PRKCB: variants seen among roughly 807,000 people sequenced by gnomAD.
PRKCB encodes protein kinase C beta type.
PRKCB carries 13 observed loss-of-function variants against 81.5 expected under a neutral mutation model. That is an observed-to-expected ratio of 0.16 (90% confidence interval 0.10 to 0.25). The LOEUF is 0.25. Among genes scored for constraint, PRKCB ranks in the 10% least tolerant of loss-of-function variants. PRKCB has a pLI of 1.00. For missense variants in PRKCB, 509 were observed against 875.7 expected, an observed-to-expected ratio of 0.58 and a Z score of 5.29; for synonymous variants, 335 against 321.4, an observed-to-expected ratio of 1.04 and a Z score of -0.45.
chr16:23,853,342 C>G (rs994099755), intron 2 of PRKCB, among the ~76,000 whole-genome samples: 12 of 152,132 alleles, frequency 7.9e-5, no homozygotes, highest in African/African-American at 2.9e-4. Flanking sequence ...ACCCCAGGGT[C>G]CTCCCCATTG....
intron 2 of PRKCB, among the ~76,000 whole-genome samples, chr16:23,957,880 T>G (rs1013198029): frequency 1.3e-4 from 20 of 152,136 alleles, no homozygotes; most frequent in African/African-American, 4.8e-4. Flanking sequence ...CTCAATAACC[T>G]CACACAGCTC....
intron 2 of PRKCB, among the ~76,000 whole-genome samples, chr16:23,934,352 AG>A (rs1964029005): frequency 6.8e-6 from 1 of 146,044 alleles, no homozygotes; most frequent in Non-Finnish European, 1.5e-5. Flanking sequence ...TAAAAGCTCT[AG>A]TTTTCCCTTA....
chr16:24,029,360 G>C (rs1192030747), intron 3 of PRKCB, among the ~76,000 whole-genome samples: 1 of 152,146 alleles, frequency 6.6e-6, no homozygotes, highest in Non-Finnish European at 1.5e-5. Context: ...TCATGATAGC[G>C]AGTGAGTTCT....
chr16:23,895,117 G>T (rs955947357), intron 2 of PRKCB, among the ~76,000 whole-genome samples: 7 of 152,018 alleles, frequency 4.6e-5, no homozygotes, highest in African/African-American at 1.7e-4. Flanking sequence ...ATCATTTTTG[G>T]TATACTTTCA....
chr16:24,155,500 A>G (rs899279475), intron 10 of PRKCB, among the ~76,000 whole-genome samples: 2 of 152,222 alleles, frequency 1.3e-5, no homozygotes, highest in African/African-American at 2.4e-5. Flanking sequence ...CTTGGTTTCC[A>G]TACCCAGGGA....
intron 5 of PRKCB, among the ~76,000 whole-genome samples, chr16:24,060,040 TAGAA>T (rs888986342): frequency 6.6e-6 from 1 of 152,158 alleles, no homozygotes; most frequent in African/African-American, 2.4e-5. Context: ...GAAGGCGTCT[TAGAA>T]GGAAGTTATT....
chr16:24,114,329 C>G (rs1360066230), intron 8 of PRKCB, among the ~76,000 whole-genome samples: 1 of 150,898 alleles, frequency 6.6e-6, no homozygotes, highest in Non-Finnish European at 1.5e-5. Context: ...GTCAACTAGG[C>G]TTGCTGATGG....
At chr16:23,897,977 C>T (rs1963406533) in intron 2 of PRKCB, among the ~76,000 whole-genome samples, 1 of 152,002 alleles carries the variant, frequency 6.6e-6, no homozygotes, top group Non-Finnish European at 1.5e-5. Context: ...CGGCTCACTG[C>T]AACCTCCGCC....
At chr16:23,947,042 G>T (rs1263690959) in intron 2 of PRKCB, among the ~76,000 whole-genome samples, 1 of 152,140 alleles carries the variant, frequency 6.6e-6, no homozygotes. Flanking sequence ...TTTTAGTAGA[G>T]ACGGGGTTTT....
chr16:24,180,092 C>A (rs1041496093), intron 12 of PRKCB, among the ~76,000 whole-genome samples: 1 of 152,104 alleles, frequency 6.6e-6, no homozygotes, highest in African/African-American at 2.4e-5. Context: ...CTACAGGCGC[C>A]CACGACCACG....
intron 2 of PRKCB, among the ~76,000 whole-genome samples, chr16:23,875,678 C>A (rs1962997659): frequency 1.4e-5 from 1 of 73,728 alleles, no homozygotes; most frequent in African/African-American, 4.9e-5. Flanking sequence ...GTATGTATAT[C>A]ACACACATAT....
intron 2 of PRKCB, among the ~76,000 whole-genome samples, chr16:23,937,252 C>T (rs1032936357): frequency 3.3e-5 from 5 of 152,142 alleles, no homozygotes; most frequent in South Asian, 2.1e-4. Flanking sequence ...GCTTCCCAAG[C>T]GATGCTTCTG....
chr16:24,114,512 A>G (rs971139571), intron 8 of PRKCB, among the ~76,000 whole-genome samples: 2 of 151,994 alleles, frequency 1.3e-5, no homozygotes, highest in Non-Finnish European at 2.9e-5. Context: ...CTCTGCTCCT[A>G]CCTGAAATAA....
At chr16:24,129,520 C>CATCTATCTATCTATCT (rs138115366) in intron 9 of PRKCB, among the ~76,000 whole-genome samples, 168 of 151,300 alleles carry the variant, frequency 1.1e-3, no homozygotes, top group African/African-American at 3.3e-3. Flanking sequence ...CATGCACGTG[C>CATCTATCTATCTATCT]ATCTATCTAT....
At chr16:23,836,601 A>G (rs1403115812) in intron 1 of PRKCB, among the ~76,000 whole-genome samples, 3 of 150,260 alleles carry the variant, frequency 2.0e-5, no homozygotes, top group African/African-American at 7.4e-5. Flanking sequence ...GCGCCTCTAG[A>G]GCGCCCAGGG....
chr16:24,122,510 T>C (rs961711572), intron 8 of PRKCB, among the ~76,000 whole-genome samples: 1 of 139,624 alleles, frequency 7.2e-6, no homozygotes, highest in Non-Finnish European at 1.5e-5. Context: ...CCCAGGCTGG[T>C]GGGCAGTGGT....
chr16:23,990,495 T>G (rs908881106), intron 3 of PRKCB, among the ~76,000 whole-genome samples: 5 of 149,620 alleles, frequency 3.3e-5, no homozygotes, highest in East Asian at 3.9e-4. Flanking sequence ...TTTTTTTTTT[T>G]CTTTTTTTTT....
chr16:24,071,955 T>A (rs878932057), intron 5 of PRKCB, among the ~76,000 whole-genome samples: 1 of 152,050 alleles, frequency 6.6e-6, no homozygotes, highest in Admixed American at 6.5e-5. Flanking sequence ...AAGGATGTTA[T>A]TATTATCATG....
chr16:23,867,031 TCCTTCCTTCCTTCCTTCCTTC>T (rs57855973), intron 2 of PRKCB, among the ~76,000 whole-genome samples: 2,190 of 98,190 alleles, frequency 0.022, 23 homozygotes, highest in South Asian at 0.072. Flanking sequence ...CTTCCTTCCT[TCCTTCCTTCCTTCCTTCCTTC>T]TCTCTCTCTC....
Sources: gnomAD v4.1 joint callset for allele counts (sites outside exome capture counted in the v4.1 genomes callset) on GRCh38, gnomAD v4.1.1 for gene constraint, MANE v1.5 for transcripts, NCBI Gene and HGNC (gene_info 2026-07-23, HGNC 2026-07-21) for gene names.